EYS: variants seen among roughly 807,000 people sequenced by gnomAD.
The protein encoded by EYS is protein eyes shut homolog.
A neutral mutation model predicts 282.1 loss-of-function variants in EYS; 250 were observed. The ratio of observed to expected loss-of-function variants is 0.89; its 90% confidence interval spans 0.80 to 0.98. The LOEUF is 0.98. EYS is among the 50% of genes least tolerant of loss of function. The probability of loss-of-function intolerance (pLI) is 0.00; values close to 1 mark genes in which losing one functional copy is unlikely to be tolerated. For synonymous variants in EYS, 1,355 were observed against 1,282.9 expected (o/e 1.06, Z -1.20); for missense variants, 4,016 against 3,709.0 (o/e 1.08, Z -2.15).
At chr6:64,336,071 A>C (rs1770842081) in intron 29 of EYS, among the ~76,000 whole-genome samples, 1 of 152,096 alleles carries the variant, frequency 6.6e-6, no homozygotes, top group Non-Finnish European at 1.5e-5. Context: ...AATACAAGTG[A>C]AACAGAAAAA....
intron 29 of EYS, among the ~76,000 whole-genome samples, chr6:64,312,940 A>T (rs1224299793): frequency 6.6e-6 from 1 of 152,198 alleles, no homozygotes; most frequent in Non-Finnish European, 1.5e-5. Flanking sequence ...CCAGTGCAAA[A>T]GGCTGAAAAT....
chr6:63,806,576 C>G (rs187891419), intron 36 of EYS, among the ~76,000 whole-genome samples: 1 of 152,158 alleles, frequency 6.6e-6, no homozygotes, highest in African/African-American at 2.4e-5. Context: ...GTTTTGAGAT[C>G]TTCTATATAA....
intron 5 of EYS, among the ~76,000 whole-genome samples, chr6:65,465,967 TATCAATCA>T (rs34867855): frequency 3.7e-3 from 555 of 150,560 alleles, no homozygotes; most frequent in Non-Finnish European, 5.8e-3. Context: ...TAAGACCCTG[TATCAATCA>T]ATCAATCAAT....
chr6:65,170,922 T>C (rs958581918), intron 12 of EYS, among the ~76,000 whole-genome samples: 1 of 151,402 alleles, frequency 6.6e-6, no homozygotes, highest in African/African-American at 2.4e-5. Flanking sequence ...ATGATAACAG[T>C]TTTCACCACA....
chr6:64,307,153 C>T, intron 29 of EYS, 71 bp from the exon 30 acceptor site: 1 of 819,238 alleles, frequency 1.2e-6, no homozygotes, highest in East Asian at 2.7e-5. Context: ...ATTCTTGCTT[C>T]AAACTGGTCA....
chr6:65,201,660 T>G (rs1372948502), intron 12 of EYS, among the ~76,000 whole-genome samples: 1 of 152,204 alleles, frequency 6.6e-6, no homozygotes, highest in East Asian at 1.9e-4. Flanking sequence ...GGATTTCAAA[T>G]ATGTATTTTA....
At chr6:64,042,003 G>A (rs1009820098) in intron 33 of EYS, among the ~76,000 whole-genome samples, 7 of 151,870 alleles carry the variant, frequency 4.6e-5, no homozygotes, top group African/African-American at 1.5e-4. Flanking sequence ...TTCTTTTTTA[G>A]TTTCTAAAAT....
chr6:63,937,340 CTTTTCTTTTTTTTTTTTTTTTTTTTT>C (rs1765090700), intron 35 of EYS, among the ~76,000 whole-genome samples: 61 of 46,078 alleles, frequency 1.3e-3, no homozygotes, highest in Non-Finnish European at 1.5e-3. Flanking sequence ...AGGCTTCTCT[CTTTTCTTTTTTTTTTTTTTTTTTTTT>C]TTTTTTTTTT....
At chr6:65,572,498 G>A (rs1205479422) in intron 2 of EYS, among the ~76,000 whole-genome samples, 1 of 152,010 alleles carries the variant, frequency 6.6e-6, no homozygotes, top group Non-Finnish European at 1.5e-5. Context: ...AAATCGATGT[G>A]GGGAAGGATA....
chr6:65,447,384 A>G (rs986274400), intron 5 of EYS, among the ~76,000 whole-genome samples: 55 of 147,332 alleles, frequency 3.7e-4, no homozygotes, highest in Non-Finnish European at 7.3e-4. Flanking sequence ...ATATATGTAT[A>G]TAATTATATA....
At chr6:65,459,068 C>T (rs190664030) in intron 5 of EYS, among the ~76,000 whole-genome samples, 6 of 151,982 alleles carry the variant, frequency 3.9e-5, no homozygotes, top group East Asian at 1.9e-4. Flanking sequence ...ATTTTCCTTA[C>T]GAAAATCAGA....
chr6:64,525,568 G>T (rs1246216945), intron 26 of EYS, among the ~76,000 whole-genome samples: 1 of 151,518 alleles, frequency 6.6e-6, no homozygotes. Context: ...AATAATACTT[G>T]GTACTGGGCT....
chr6:65,685,374 C>T (rs1426617483), intron 1 of EYS, among the ~76,000 whole-genome samples: 2 of 152,082 alleles, frequency 1.3e-5, no homozygotes, highest in South Asian at 2.1e-4. Flanking sequence ...GCTACGACTA[C>T]GACATCAAAT....
chr6:65,326,209 T>G (rs751947614), intron 11 of EYS, among the ~76,000 whole-genome samples: 2 of 151,986 alleles, frequency 1.3e-5, no homozygotes, highest in Non-Finnish European at 2.9e-5. Context: ...TTTCCTTTAA[T>G]TGCTTCTCAA....
intron 13 of EYS, among the ~76,000 whole-genome samples, chr6:65,052,573 G>C (rs1447155177): frequency 6.6e-6 from 1 of 151,396 alleles, no homozygotes; most frequent in African/African-American, 2.4e-5. Context: ...TGTGGTATCC[G>C]AACATGGAAA....
intron 31 of EYS, among the ~76,000 whole-genome samples, chr6:64,084,736 A>C (rs1772087335): frequency 6.6e-6 from 1 of 152,188 alleles, no homozygotes; most frequent in Non-Finnish European, 1.5e-5. Context: ...GCAACAGAGA[A>C]ATAATGTAAT....
intron 36 of EYS, among the ~76,000 whole-genome samples, chr6:63,827,223 C>G (rs561433851): frequency 2.6e-5 from 4 of 152,156 alleles, no homozygotes; most frequent in Admixed American, 6.5e-5. Flanking sequence ...AGGAAAATAT[C>G]ACAAACCTAA....
Position 64,610,977 on chromosome 6 carries a change from TC to T in EYS, c.3684+6440del, listed in dbSNP as rs542798755. 2.6e-4 allele frequency among the ~76,000 whole-genome samples: 40 copies of T among 151,612 alleles called. No individual in the cohort carries two copies. In the East Asian group the frequency reaches 4.1e-3, roughly 15 times the overall value. On this transcript the variant is annotated intron_variant, in intron 24 of 42. Coordinates refer to ENST00000503581, the MANE Select transcript of EYS (RefSeq NM_001142800.2). ...CAGAACACACATCCCTCCATCTTTTTCCCCCCCATAGCACTCATTGCTGCCC... is the reference window on the plus strand; with the variant it reads ...CAGAACACACATCCCTCCATCTTTTTCCCCCCATAGCACTCATTGCTGCCC...
At chr6:64,791,724 A>T (rs1774198789) in intron 22 of EYS, among the ~76,000 whole-genome samples, 1 of 151,914 alleles carries the variant, frequency 6.6e-6, no homozygotes. Context: ...ATACTAATTG[A>T]TTTAAATACC....
Sources: gnomAD v4.1 joint callset for allele counts (sites outside exome capture counted in the v4.1 genomes callset) on GRCh38, gnomAD v4.1.1 for gene constraint, MANE v1.5 for transcripts, NCBI Gene and HGNC (gene_info 2026-07-23, HGNC 2026-07-21) for gene names.